Variants in RPL13 observed in about 807,000 individuals in gnomAD.
RPL13 encodes ribosomal protein L13.
Under a neutral mutation model 21.4 loss-of-function variants are expected in RPL13, and 1 was observed. The ratio of observed to expected loss-of-function variants is 0.05; its 90% CI spans 0.02 to 0.22. The LOEUF is 0.22. Among genes scored for constraint, RPL13 ranks in the 10% least tolerant of loss-of-function variants. The pLI, the probability that RPL13 is intolerant of heterozygous loss-of-function variation, is 1.00. For missense variants in RPL13, 289 were observed against 303.0 expected, an observed-to-expected ratio of 0.95 and a Z score of 0.34; for synonymous variants, 143 against 120.5, an observed-to-expected ratio of 1.19 and a Z score of -1.23.
rs761287889 is a variant in RPL13, at chr16:89,561,741, G to C, written c.410G>C (p.Gly137Ala). The C allele has an allele frequency of 6.2e-7, 1 of 1,613,546 alleles. No individual in the cohort carries two copies. Among genetic ancestry groups the C allele is most frequent in the South Asian group, 1.1e-5 (1 of 91,082 alleles). The change falls in exon 4 of 6, where the codon GGA (glycine) becomes GCA (alanine). Residue 137 changes from glycine to alanine, a missense_variant. Coordinates refer to ENST00000311528, the MANE Select transcript of RPL13 (RefSeq NM_000977.4). The part of the protein sequence containing the change: ...FPRKPSAPKK[G>A]DSSAEELKLA... ...AGGAAGCCCTCGGCCCCCAAGAAGGGAGACAGTTCTGTGAGTACACGGCTC... is the reference window on the plus strand; with the variant it reads ...AGGAAGCCCTCGGCCCCCAAGAAGGCAGACAGTTCTGTGAGTACACGGCTC...
At chr16:89,562,710 CTTTT>C (rs368479679) in intron 5 of RPL13, 170 bp from the exon 6 acceptor site, 2 of 541,908 alleles carry the variant, frequency 3.7e-6, no homozygotes, top group African/African-American at 4.2e-5. Flanking sequence ...GAGGGTTTTT[CTTTT>C]TTTTTTTAAA....
rs1241309524 is a variant in RPL13, at chr16:89,564,047, A to T, written c.*1005A>T. 1 of 152,236 alleles carries T rather than the reference A, an allele frequency of 6.6e-6. No individual in the cohort carries two copies. The highest frequency in any genetic ancestry group is 2.4e-5 in the African/African-American group (1 of 41,448). The allele number at this position is 152,236 out of a possible 1,614,324, so 9.4% of individuals were successfully genotyped here. ...CCGAGGGCAGCATGGTTTCTCGTGC[A>T]GTGCTCAGACACAGCCTGCCCTAGT... On this transcript the variant is annotated 3_prime_UTR_variant, in exon 6 of 6. Transcript: ENST00000311528.
Sources: gnomAD v4.1 joint callset for allele counts on GRCh38, gnomAD v4.1.1 for gene constraint, MANE v1.5 for transcripts, NCBI Gene and HGNC (gene_info 2026-07-23, HGNC 2026-07-21) for gene names.